The following THUMPD2 variants were observed in gnomAD, a reference collection of about 807,000 sequenced individuals.
THUMPD2 encodes the protein U6 snRNA (guanine-N(2))-methyltransferase THUMPD2.
THUMPD2 carries 56 observed loss-of-function variants against 49.4 expected under a neutral mutation model. The ratio of observed to expected loss-of-function variants is 1.13; its 90% CI spans 0.91 to 1.41. The LOEUF is 1.41. THUMPD2 is among the 40% of genes most tolerant of loss of function. The pLI, the probability that THUMPD2 is intolerant of heterozygous loss-of-function variation, is 0.00. For missense variants in THUMPD2, 709 were observed against 594.5 expected (o/e 1.19, Z -2.00); for synonymous variants, 237 against 205.2 (o/e 1.15, Z -1.32).
chr2:39,763,691 T>C (rs1414018245), intron 5 of THUMPD2, among the ~76,000 whole-genome samples: 2 of 152,190 alleles, frequency 1.3e-5, no homozygotes, highest in Non-Finnish European at 2.9e-5. Flanking sequence ...ATAATTTTCT[T>C]GGTAATTTTT....
intron 1 of THUMPD2, among the ~76,000 whole-genome samples, chr2:39,775,396 G>A (rs1678937379): frequency 1.3e-5 from 2 of 152,180 alleles, no homozygotes; most frequent in Admixed American, 1.3e-4. Context: ...AGTGCTACGT[G>A]ATGGGTTAAG....
intron 1 of THUMPD2, among the ~76,000 whole-genome samples, chr2:39,775,110 T>C (rs972702798): frequency 3.3e-5 from 5 of 151,978 alleles, no homozygotes; most frequent in Admixed American, 6.5e-5. Context: ...TGAGACCCTG[T>C]TGGTACAAAA....
At position 39,779,109 on chromosome 2, in the gene THUMPD2, C is replaced by G. The variant is rs575890954; in HGVS notation, c.126+5G>C. ...CTCCCCAGGCGCGCAGCGAGGCCAA[C>G]TCACCTGCGTGGCCGCCAGCCGCGC... is the stretch of plus-strand genomic sequence containing the variant. On this transcript the variant is annotated splice_donor_5th_base_variant and intron_variant, in intron 1 of 9. Transcript: ENST00000505747. 6.6e-7 allele frequency: 1 copy of G among 1,506,738 alleles called. No homozygotes were observed. Among genetic ancestry groups the G allele is most frequent in the African/African-American group, 1.4e-5 (1 of 69,258 alleles). 93.3% of individuals were successfully genotyped at this position (1,506,738 alleles called of 1,614,324 possible). A position where few individuals can be genotyped will look rare whatever the true frequency, so the allele number is the denominator to read the frequency against.
chr2:39,769,900 C>T lies in THUMPD2; in HGVS notation c.482G>A (p.Cys161Tyr). ...TTCTTTTATTTGTTTTTCCAGCTGG[C>T]AGTCCCTATTCTCTTCTATCTTTTG... is the stretch of plus-strand genomic sequence containing the variant. ...QMQKIEENRD[C>Y]QLEKQIKEET... The change falls in exon 3 of 10, where the codon TGC (cysteine) becomes TAC (tyrosine). Residue 161 changes from cysteine (C) to tyrosine (Y), a missense_variant. Transcript: ENST00000505747. The T allele has an allele frequency of 1.3e-6, 2 of 1,598,468 alleles. No homozygotes were observed. The highest frequency in any genetic ancestry group is 2.3e-5 in the East Asian group (1 of 44,414).
intron 3 of THUMPD2, chr2:39,769,059 A>G: frequency 7.7e-7 from 1 of 1,304,560 alleles, no homozygotes; most frequent in East Asian, 5.5e-5. Context: ...GTGCATTTGC[A>G]GTCTAGGTCC....
chr2:39,747,920 G>C (rs574579397), intron 8 of THUMPD2, among the ~76,000 whole-genome samples: 3 of 152,024 alleles, frequency 2.0e-5, no homozygotes, highest in South Asian at 4.2e-4. Flanking sequence ...TTCCATTCTA[G>C]ACTACAAATT....
intron 6 of THUMPD2, among the ~76,000 whole-genome samples, chr2:39,757,896 G>C (rs1323846765): frequency 6.6e-6 from 1 of 151,926 alleles, no homozygotes; most frequent in East Asian, 1.9e-4. Flanking sequence ...GAGGGAAATG[G>C]ATCAGGTTGG....
chr2:39,755,239 C>G, intron 8 of THUMPD2, 56 bp downstream of exon 8: 1 of 1,195,594 alleles, frequency 8.4e-7, no homozygotes, highest in Non-Finnish European at 1.2e-6. Context: ...TATTATGATT[C>G]TAAATATATT....
At chr2:39,767,099 A>G (rs1677624651) in intron 4 of THUMPD2, among the ~76,000 whole-genome samples, 1 of 152,236 alleles carries the variant, frequency 6.6e-6, no homozygotes, top group South Asian at 2.1e-4. Context: ...TCAATTTTTT[A>G]GTCACAAATT....
At chr2:39,764,693 C>G (rs558558173) in intron 5 of THUMPD2, among the ~76,000 whole-genome samples, 1 of 152,322 alleles carries the variant, frequency 6.6e-6, no homozygotes, top group South Asian at 2.1e-4. Flanking sequence ...CTTCTCTTGT[C>G]CAGTGCTATC....
intron 3 of THUMPD2, chr2:39,769,052 C>T: frequency 7.7e-7 from 1 of 1,304,604 alleles, no homozygotes; most frequent in Non-Finnish European, 1.0e-6. Flanking sequence ...ACCTCATGTG[C>T]ATTTGCAGTC....
intron 5 of THUMPD2, among the ~76,000 whole-genome samples, chr2:39,764,602 T>C (rs756583198): frequency 2.6e-5 from 4 of 152,234 alleles, no homozygotes; most frequent in Admixed American, 1.3e-4. Flanking sequence ...AACTTCATGG[T>C]GCTCTCTACT....
intron 8 of THUMPD2, among the ~76,000 whole-genome samples, chr2:39,754,178 T>C (rs902935777): frequency 6.6e-6 from 1 of 152,180 alleles, no homozygotes; most frequent in Non-Finnish European, 1.5e-5. Flanking sequence ...CAATTTCAGT[T>C]TTCTTAAAGG....
intron 1 of THUMPD2, among the ~76,000 whole-genome samples, chr2:39,777,654 T>G (rs1057491205): frequency 6.6e-6 from 1 of 152,236 alleles, no homozygotes; most frequent in Non-Finnish European, 1.5e-5. Context: ...GGGTGGAATT[T>G]CAGAGATTAT....
In THUMPD2 at chr2:39,754,454, T is replaced by C. The variant is rs1282089596; in HGVS notation, c.1078+841A>G. ...CTGTTGATACTCATCTTTACTACTT[T>C]TCCACTACAATAAAATTTCTTAAAC... On this transcript the variant is annotated intron_variant, in intron 8 of 9. Coordinates refer to ENST00000505747, the MANE Select transcript of THUMPD2 (RefSeq NM_025264.5). Among the ~76,000 whole-genome samples, 3 of 152,208 alleles carry C rather than the reference T, an allele frequency of 2.0e-5. No homozygotes were observed. In the South Asian group the frequency reaches 6.2e-4, roughly 31 times the overall value.
chr2:39,775,022 A>G (rs902729933), intron 1 of THUMPD2, among the ~76,000 whole-genome samples: 2 of 152,322 alleles, frequency 1.3e-5, no homozygotes, highest in East Asian at 1.9e-4. Flanking sequence ...GCTCATGCCT[A>G]TAATTCCAGT....
At chr2:39,757,270 C>G in intron 6 of THUMPD2, 2 of 696,792 alleles carry the variant, frequency 2.9e-6, no homozygotes, top group South Asian at 1.5e-5. Flanking sequence ...CCCAGTCGTG[C>G]TCGAGATAGG....
chr2:39,737,320 A>T (rs756658352), intron 9 of THUMPD2, among the ~76,000 whole-genome samples: 1 of 152,208 alleles, frequency 6.6e-6, no homozygotes, highest in African/African-American at 2.4e-5. Flanking sequence ...ACGGTCTAAT[A>T]AATGATTGTA....
chr2:39,756,698 G>T (rs1449972905), intron 6 of THUMPD2, among the ~76,000 whole-genome samples: 1 of 152,032 alleles, frequency 6.6e-6, no homozygotes, highest in Non-Finnish European at 1.5e-5. Flanking sequence ...ATACCAAGCC[G>T]ATGCCACGTG....
Sources: allele counts gnomAD v4.1 joint callset (sites outside exome capture counted in the v4.1 genomes callset), GRCh38; gene constraint gnomAD v4.1.1; transcripts MANE v1.5; gene names NCBI Gene and HGNC (gene_info 2026-07-23, HGNC 2026-07-21).